SMG7: variants seen among roughly 807,000 people sequenced by gnomAD.
SMG7 encodes SMG7 nonsense mediated mRNA decay factor, also known as nonsense-mediated mRNA decay factor SMG7.
SMG7 carries 34 observed loss-of-function variants against 148.2 expected under a neutral mutation model. That is an observed-to-expected ratio of 0.23 (90% CI 0.17 to 0.31). The LOEUF (loss-of-function observed/expected upper bound fraction) is 0.31, where lower values mean the gene tolerates loss of function less well. SMG7 is among the 10% of genes least tolerant of loss of function. The pLI, the probability that SMG7 is intolerant of heterozygous loss-of-function variation, is 1.00. For missense variants in SMG7, 1,114 were observed against 1,408.4 expected, an observed-to-expected ratio of 0.79 and a Z score of 3.35; for synonymous variants, 492 against 515.1, an observed-to-expected ratio of 0.96 and a Z score of 0.61.
chr1:183,541,569 C>T (rs1038474255), intron 13 of SMG7, among the ~76,000 whole-genome samples: 5 of 152,070 alleles, frequency 3.3e-5, no homozygotes, highest in South Asian at 2.1e-4. Flanking sequence ...GTTTGAGTTC[C>T]GTTTCGAGTT....
chr1:183,476,832 A>C (rs1652309819), intron 1 of SMG7, among the ~76,000 whole-genome samples: 1 of 152,182 alleles, frequency 6.6e-6, no homozygotes, highest in African/African-American at 2.4e-5. Flanking sequence ...CTCAAATTGA[A>C]GGAGAATTCA....
chr1:183,510,016 A>G (rs774963473), intron 1 of SMG7, among the ~76,000 whole-genome samples: 5 of 152,168 alleles, frequency 3.3e-5, no homozygotes, highest in Non-Finnish European at 7.4e-5. Flanking sequence ...TGGTAACATC[A>G]TTAGGTGGAT....
At chr1:183,475,587 T>C (rs1651956697) in intron 1 of SMG7, among the ~76,000 whole-genome samples, 1 of 152,216 alleles carries the variant, frequency 6.6e-6, no homozygotes. Flanking sequence ...GGGGAGTGAC[T>C]ACTGCTTAGA....
intron 1 of SMG7, chr1:183,502,200 G>A: frequency 8.6e-7 from 1 of 1,164,048 alleles, no homozygotes; most frequent in Non-Finnish European, 1.1e-6. Context: ...TTCTTCATAG[G>A]GGTTCTCTGT....
intron 1 of SMG7, among the ~76,000 whole-genome samples, chr1:183,474,453 A>T (rs1214912517): frequency 6.6e-6 from 1 of 152,162 alleles, no homozygotes; most frequent in East Asian, 1.9e-4. Flanking sequence ...AATGCCGGCT[A>T]CTCGGGAGGC....
intron 1 of SMG7, among the ~76,000 whole-genome samples, chr1:183,490,875 TC>T (rs1221305386): frequency 6.6e-6 from 1 of 152,164 alleles, no homozygotes; most frequent in East Asian, 1.9e-4. Flanking sequence ...AACCTCTGCC[TC>T]CCAGGTTGAA....
chr1:183,517,606 C>T (rs764824460), intron 3 of SMG7, 82 bp from the exon 4 acceptor site: 4 of 1,261,716 alleles, frequency 3.2e-6, no homozygotes, highest in South Asian at 2.4e-5. Context: ...TTATAACAGA[C>T]AGTTCTTTCT....
In SMG7 at chr1:183,551,138, G is replaced by C. The variant is rs753828242; in HGVS notation, c.3398G>C (p.Gly1133Ala). Residue 1133 changes from glycine (G) to alanine (A), a missense_variant, in exon 22 of 23, where the codon GGC becomes GCC. Coordinates refer to ENST00000688051, the MANE Select transcript of SMG7 (RefSeq NM_001375584.1). ...QASTPSGTWTGHGPSMEDSSA... is the reference protein window; with the variant it reads ...QASTPSGTWTAHGPSMEDSSA... ...AGCACTCCGAGTGGCACCTGGACAG[G>C]CCATGGCCCTTCCATGGAGGATTCC... 12 of 1,591,444 alleles carry C rather than the reference G, an allele frequency of 7.5e-6. No individual in the cohort carries two copies. The East Asian group carries it at 2.5e-4, about 33-fold the overall frequency.
chr1:183,527,944 T>C lies in SMG7; in HGVS notation c.485-12T>C. Reference sequence around the variant, plus strand: ...TTTTTGGGTTTTTTAAAACTAATTTTCTTCTTCTTAGCTCGATACAGAAAC... The same window carrying C: ...TTTTTGGGTTTTTTAAAACTAATTTCCTTCTTCTTAGCTCGATACAGAAAC... On this transcript the variant is annotated splice_polypyrimidine_tract_variant and intron_variant, in intron 5 of 22. Coordinates refer to ENST00000688051, the MANE Select transcript of SMG7 (RefSeq NM_001375584.1). The surrounding 1 kb of genome is among the most constrained non-coding windows in gnomAD (Gnocchi z 4.0). 6.2e-7 allele frequency: 1 copy of C among 1,611,030 alleles called. No homozygotes were observed. The highest frequency in any genetic ancestry group is 1.1e-5 in the South Asian group (1 of 90,756).
chr1:183,484,863 C>A (rs1044963416), intron 1 of SMG7, among the ~76,000 whole-genome samples: 31 of 152,148 alleles, frequency 2.0e-4, no homozygotes, highest in Non-Finnish European at 5.9e-5. Context: ...AGACCATCTG[C>A]CATATAGCTT....
intron 1 of SMG7, among the ~76,000 whole-genome samples, chr1:183,484,690 G>A (rs1018133149): frequency 6.6e-6 from 1 of 151,972 alleles, no homozygotes; most frequent in Non-Finnish European, 1.5e-5. Context: ...TCCTGATGTG[G>A]CCATATAGGT....
intron 2 of SMG7, among the ~76,000 whole-genome samples, chr1:183,514,829 A>G (rs1007238783): frequency 6.6e-6 from 1 of 152,216 alleles, no homozygotes; most frequent in African/African-American, 2.4e-5. Context: ...AGTAAACTCT[A>G]TTCTTAACTA....
chr1:183,499,676 T>G (rs1021032398), intron 1 of SMG7, among the ~76,000 whole-genome samples: 15 of 152,236 alleles, frequency 9.9e-5, no homozygotes, highest in African/African-American at 3.6e-4. Context: ...CTTTGTGGCT[T>G]GTTGTTCTCT....
At chr1:183,549,986 T>C (rs1011685787) in intron 20 of SMG7, 63 bp downstream of exon 20, 5 of 1,092,132 alleles carry the variant, frequency 4.6e-6, no homozygotes, top group Non-Finnish European at 6.5e-6. Flanking sequence ...GATTAAGGGA[T>C]AGTGAGATTC....
At position 183,472,607 on chromosome 1, in the gene SMG7, G is replaced by T; in HGVS notation, c.-14G>T. The T allele has an allele frequency of 6.9e-7, 1 of 1,444,616 alleles. No individual in the cohort carries two copies. Among genetic ancestry groups the T allele is most frequent in the Non-Finnish European group, 9.2e-7 (1 of 1,086,818 alleles). The allele number at this position is 1,444,616 out of a possible 1,614,324, so 89.5% of individuals were successfully genotyped here. A position where few individuals can be genotyped will look rare whatever the true frequency, so the allele number is the denominator to read the frequency against. ...CGGAGGCTTCGCGGGAAGACGCGGC[G>T]GCGGCGGCGGAGGATGAGCCTGCAG... On this transcript the variant is annotated 5_prime_UTR_variant, in exon 1 of 23. Transcript: ENST00000688051.
chr1:183,480,605 G>T (rs1040057501), intron 1 of SMG7, among the ~76,000 whole-genome samples: 4 of 151,872 alleles, frequency 2.6e-5, no homozygotes, highest in African/African-American at 9.7e-5. Context: ...TATATCCCAG[G>T]TCCCTGGGGA....
chr1:183,479,261 C>G (rs1653459439), intron 1 of SMG7, among the ~76,000 whole-genome samples: 1 of 152,084 alleles, frequency 6.6e-6, no homozygotes, highest in Non-Finnish European at 1.5e-5. Context: ...GATTTCTCAA[C>G]CTTGGCACTT....
chr1:183,529,236 A>T (rs1228701311), intron 7 of SMG7, among the ~76,000 whole-genome samples, 162 bp from the exon 8 acceptor site: 1 of 152,218 alleles, frequency 6.6e-6, no homozygotes. Flanking sequence ...GTAAAAGAGT[A>T]CACAGGCTGT....
At chr1:183,546,409 A>G in intron 17 of SMG7, 72 bp downstream of exon 17, 1 of 1,481,788 alleles carries the variant, frequency 6.7e-7, no homozygotes, top group Non-Finnish European at 9.1e-7. Context: ...AATATCTCAA[A>G]TAGATCTTAT....
Sources: allele counts gnomAD v4.1 joint callset (sites outside exome capture counted in the v4.1 genomes callset), GRCh38; gene constraint gnomAD v4.1.1; non-coding constraint Gnocchi (gnomAD v3.1); transcripts MANE v1.5; gene names NCBI Gene and HGNC (gene_info 2026-07-23, HGNC 2026-07-21).